The following PPP2R2B variants were observed in gnomAD, a reference collection of about 807,000 sequenced individuals.
The protein encoded by PPP2R2B is protein phosphatase 2 regulatory subunit Bbeta.
PPP2R2B carries 5 observed loss-of-function variants against 46.0 expected under a neutral mutation model. The ratio of observed to expected loss-of-function variants is 0.11; its 90% CI spans 0.06 to 0.23. The LOEUF (loss-of-function observed/expected upper bound fraction) is 0.23. PPP2R2B is among the 10% of genes least tolerant of loss of function. The probability of loss-of-function intolerance (pLI) is 1.00; values close to 1 mark genes in which losing one functional copy is unlikely to be tolerated. For missense variants in PPP2R2B, 367 were observed against 575.0 expected (o/e 0.64, Z 3.70); for synonymous variants, 215 against 206.7 (o/e 1.04, Z -0.34).
intron 2 of PPP2R2B, among the ~76,000 whole-genome samples, chr5:146,846,636 C>T (rs1227378646): frequency 6.6e-6 from 1 of 151,972 alleles, no homozygotes; most frequent in Non-Finnish European, 1.5e-5. Context: ...CTAGATCTTG[C>T]CACTGCACTC....
intron 1 of PPP2R2B, among the ~76,000 whole-genome samples, chr5:146,915,801 C>T (rs1763366019): frequency 6.6e-6 from 1 of 152,080 alleles, no homozygotes; most frequent in South Asian, 2.1e-4. Flanking sequence ...TTGTGCTTGC[C>T]TCCTCCTTGC....
chr5:146,683,342 T>A (rs1281662600), intron 5 of PPP2R2B, among the ~76,000 whole-genome samples: 1 of 152,172 alleles, frequency 6.6e-6, no homozygotes, highest in Admixed American at 6.5e-5. Flanking sequence ...TCTATTTTAG[T>A]ACAAGAGGCA....
intron 7 of PPP2R2B, among the ~76,000 whole-genome samples, chr5:146,621,171 C>CT (rs1233345182): frequency 2.6e-5 from 4 of 152,244 alleles, no homozygotes; most frequent in Non-Finnish European, 5.9e-5. Context: ...GGCAGTCTGC[C>CT]TCTGTGTTCC....
chr5:146,749,811 G>A (rs1753439547), intron 2 of PPP2R2B, among the ~76,000 whole-genome samples: 1 of 152,008 alleles, frequency 6.6e-6, no homozygotes, highest in South Asian at 2.1e-4. Flanking sequence ...TGTTAGCCAG[G>A]ATGGTCTCGA....
At chr5:147,019,604 TA>T (rs1015861947) in intron 1 of PPP2R2B, among the ~76,000 whole-genome samples, 1 of 151,892 alleles carries the variant, frequency 6.6e-6, no homozygotes, top group Non-Finnish European at 1.5e-5. Flanking sequence ...TGTTTTTTTT[TA>T]AAAAGTCTAT....
chr5:147,010,968 G>C (rs1336005262), intron 1 of PPP2R2B, among the ~76,000 whole-genome samples: 1 of 152,098 alleles, frequency 6.6e-6, no homozygotes, highest in African/African-American at 2.4e-5. Flanking sequence ...ACCTGACTCA[G>C]GCCTTGGCAC....
intron 1 of PPP2R2B, among the ~76,000 whole-genome samples, chr5:146,960,096 C>T (rs1842346): frequency 0.51 from 77,204 of 151,930 alleles, 21,617 homozygotes; most frequent in Non-Finnish European, 0.64. Context: ...TACATTGTTT[C>T]AGGACTTAAT....
chr5:146,862,981 T>C (rs1761097567), intron 2 of PPP2R2B, among the ~76,000 whole-genome samples: 1 of 151,556 alleles, frequency 6.6e-6, no homozygotes, highest in African/African-American at 2.4e-5. Flanking sequence ...GCTTGAGGAC[T>C]GAGTAAGCAT....
rs117474617 is a variant in PPP2R2B at position 146,794,172 on chromosome 5, C to T, written c.70+83830G>A. ...ACTGAAGAAAGATATCTGTACATGG[C>T]TAATGACTACAGCTTAGCTTGAAAA... On this transcript the variant is annotated intron_variant, in intron 2 of 9. Coordinates refer to ENST00000394411, the MANE Select transcript of PPP2R2B (RefSeq NM_181675.4). Among the ~76,000 whole-genome samples, 61 of 152,254 alleles carry T rather than the reference C, an allele frequency of 4.0e-4. No individual in the cohort carries two copies. The East Asian group carries it at 0.01, about 26-fold the overall frequency.
chr5:147,061,005 T>C (rs1045299584), intron 2 of PPP2R2B, among the ~76,000 whole-genome samples: 2 of 152,170 alleles, frequency 1.3e-5, no homozygotes, highest in African/African-American at 2.4e-5. Context: ...CACTAGCCAG[T>C]GTGTGAAATT....
rs1326208142 is a variant in PPP2R2B, at chr5:146,811,845, G to A, written c.70+66157C>T. Among the ~76,000 whole-genome samples, 9 of 151,698 alleles carry A rather than the reference G, an allele frequency of 5.9e-5. 1 individual carries two copies. The highest frequency in any genetic ancestry group is 1.2e-4 in the African/African-American group (5 of 41,324). The stretch of plus-strand genomic sequence containing the variant: ...GCCACCCAAAGTGCTGGGATTACAG[G>A]TGTGAGCCACCGTGCCCAGCCAGAA... On this transcript the variant is annotated intron_variant, in intron 2 of 9. Coordinates refer to ENST00000394411, the MANE Select transcript of PPP2R2B (RefSeq NM_181675.4).
chr5:146,888,296 C>T (rs1189061635), intron 1 of PPP2R2B, among the ~76,000 whole-genome samples: 1 of 152,146 alleles, frequency 6.6e-6, no homozygotes, highest in Non-Finnish European at 1.5e-5. Context: ...ATCTCAATCC[C>T]TAATTCTGCC....
chr5:146,991,088 T>C (rs917167991), intron 1 of PPP2R2B, among the ~76,000 whole-genome samples: 1 of 152,030 alleles, frequency 6.6e-6, no homozygotes, highest in African/African-American at 2.4e-5. Flanking sequence ...CTTGTGAAGA[T>C]ACAGACAAAA....
chr5:146,837,538 G>A (rs1759359870), intron 2 of PPP2R2B, among the ~76,000 whole-genome samples: 1 of 152,152 alleles, frequency 6.6e-6, no homozygotes, highest in African/African-American at 2.4e-5. Flanking sequence ...GAAATAAAAT[G>A]TGAGACACAT....
At chr5:146,803,963 A>T (rs1373930588) in intron 2 of PPP2R2B, among the ~76,000 whole-genome samples, 1 of 152,080 alleles carries the variant, frequency 6.6e-6, no homozygotes, top group Non-Finnish European at 1.5e-5. Context: ...GTCAGGAGAT[A>T]AAGACCATCC....
upstream of PPP2R2B, chr5:146,879,117 G>C (rs1214758893): frequency 1.1e-5 from 2 of 185,998 alleles, no homozygotes; most frequent in African/African-American, 4.8e-5. Context: ...CTACATCCAG[G>C]TCCCTTTTCC....
At chr5:146,949,716 T>C (rs1764593325) in intron 1 of PPP2R2B, among the ~76,000 whole-genome samples, 1 of 152,086 alleles carries the variant, frequency 6.6e-6, no homozygotes, top group African/African-American at 2.4e-5. Flanking sequence ...TGGACTCCCA[T>C]GTTTATTTCA....
chr5:146,710,815 G>A (rs1780174059), intron 2 of PPP2R2B, among the ~76,000 whole-genome samples: 1 of 152,244 alleles, frequency 6.6e-6, no homozygotes, highest in South Asian at 2.1e-4. Flanking sequence ...GGGAATGGGA[G>A]TTCTTGGGCA....
intron 7 of PPP2R2B, among the ~76,000 whole-genome samples, chr5:146,609,925 C>T (rs1772707533): frequency 6.9e-6 from 1 of 145,478 alleles, no homozygotes; most frequent in South Asian, 2.2e-4. Context: ...GAGGGGCGCC[C>T]GCCATTGATT....
Sources: allele counts gnomAD v4.1 joint callset (sites outside exome capture counted in the v4.1 genomes callset), GRCh38; gene constraint gnomAD v4.1.1; transcripts MANE v1.5; gene names NCBI Gene and HGNC (gene_info 2026-07-23, HGNC 2026-07-21).